The following ANO6 variants were observed in gnomAD, a reference collection of about 807,000 sequenced individuals.
ANO6 encodes the protein anoctamin 6, also known as anoctamin-6.
In ANO6, 106 loss-of-function variants were observed where a neutral mutation model predicts 117.5. That is an observed-to-expected ratio of 0.90 (90% confidence interval 0.77 to 1.06). The LOEUF is 1.06. Among genes scored for constraint, ANO6 ranks in the 50% least tolerant of loss-of-function variants. The probability of loss-of-function intolerance (pLI) is 0.00; values close to 1 mark genes in which losing one functional copy is unlikely to be tolerated. For missense variants in ANO6, 955 were observed against 1,121.1 expected (o/e 0.85, Z 2.12); for synonymous variants, 367 against 385.1 (o/e 0.95, Z 0.55).
chr12:45,250,927 G>C (rs1321199322), intron 1 of ANO6, among the ~76,000 whole-genome samples: 1 of 151,944 alleles, frequency 6.6e-6, no homozygotes, highest in African/African-American at 2.4e-5. Context: ...AACAAAATAG[G>C]CTGGGCATGA....
intron 1 of ANO6, among the ~76,000 whole-genome samples, chr12:45,226,372 A>G (rs1303897547): frequency 6.6e-6 from 1 of 152,204 alleles, no homozygotes; most frequent in Non-Finnish European, 1.5e-5. Context: ...TCATAATAGT[A>G]CATTGGAATT....
At chr12:45,275,619 T>G (rs1408133963) in intron 1 of ANO6, among the ~76,000 whole-genome samples, 2 of 152,204 alleles carry the variant, frequency 1.3e-5, no homozygotes, top group South Asian at 4.1e-4. Flanking sequence ...TTCCCATCAC[T>G]CTTCTGAAAT....
chr12:45,291,821 G>A (rs1333327502), intron 1 of ANO6, among the ~76,000 whole-genome samples: 2 of 152,060 alleles, frequency 1.3e-5, no homozygotes, highest in Non-Finnish European at 2.9e-5. Flanking sequence ...AAAATAGTAA[G>A]TGTTGGTGAG....
intron 9 of ANO6, among the ~76,000 whole-genome samples, chr12:45,369,572 G>T (rs1941770963): frequency 6.6e-6 from 1 of 151,780 alleles, no homozygotes; most frequent in African/African-American, 2.4e-5. Flanking sequence ...TTGTCAGAAT[G>T]ATTTTCAAGA....
At chr12:45,344,852 A>G (rs1253074948) in intron 3 of ANO6, among the ~76,000 whole-genome samples, 2 of 152,312 alleles carry the variant, frequency 1.3e-5, no homozygotes, top group Non-Finnish European at 1.5e-5. Context: ...ATCTGAGTCA[A>G]CTTTCAAGTT....
chr12:45,393,445 C>T (rs1380872003), intron 12 of ANO6, among the ~76,000 whole-genome samples: 1 of 152,182 alleles, frequency 6.6e-6, no homozygotes, highest in Non-Finnish European at 1.5e-5. Flanking sequence ...AGGAGACCTT[C>T]CCCAACCTAG....
At chr12:45,273,418 T>G (rs1487154613) in intron 1 of ANO6, among the ~76,000 whole-genome samples, 1 of 152,150 alleles carries the variant, frequency 6.6e-6, no homozygotes, top group Non-Finnish European at 1.5e-5. Context: ...AACTACACAT[T>G]TGATTTGGGG....
At chr12:45,387,978 C>T (rs112974938) in intron 10 of ANO6, among the ~76,000 whole-genome samples, 183 bp from the exon 11 acceptor site, 2 of 152,152 alleles carry the variant, frequency 1.3e-5, no homozygotes, top group African/African-American at 2.4e-5. Flanking sequence ...TGAGGCCTCC[C>T]CAGCCATGCA....
chr12:45,345,768 AC>A (rs1396876915), intron 3 of ANO6, among the ~76,000 whole-genome samples: 1 of 152,122 alleles, frequency 6.6e-6, no homozygotes, highest in African/African-American at 2.4e-5. Context: ...CAGATTTTGA[AC>A]CCAGGAAGTG....
intron 2 of ANO6, among the ~76,000 whole-genome samples, chr12:45,310,598 A>G (rs1939818031): frequency 6.6e-6 from 1 of 152,128 alleles, no homozygotes; most frequent in Non-Finnish European, 1.5e-5. Flanking sequence ...TGTTAGTGAA[A>G]GTGAACTTTA....
chr12:45,296,399 C>T (rs1438898221), intron 1 of ANO6, among the ~76,000 whole-genome samples: 2 of 152,184 alleles, frequency 1.3e-5, no homozygotes, highest in Admixed American at 6.5e-5. Context: ...CATCATCTAG[C>T]TCAATCCCTG....
At chr12:45,309,140 T>A (rs1939769816) in intron 2 of ANO6, among the ~76,000 whole-genome samples, 1 of 152,064 alleles carries the variant, frequency 6.6e-6, no homozygotes, top group South Asian at 2.1e-4. Context: ...GACTATGGCA[T>A]TAGTGCATGA....
At chr12:45,318,939 T>C (rs1940152312) in intron 2 of ANO6, among the ~76,000 whole-genome samples, 1 of 152,196 alleles carries the variant, frequency 6.6e-6, no homozygotes, top group African/African-American at 2.4e-5. Context: ...TGTATAAGAA[T>C]GCTTGTGATT....
At chr12:45,248,419 A>G (rs945388869) in intron 1 of ANO6, among the ~76,000 whole-genome samples, 7 of 151,404 alleles carry the variant, frequency 4.6e-5, no homozygotes, top group Admixed American at 4.6e-4. Context: ...ATATTTTATA[A>G]AAAGTAGACT....
chr12:45,406,306 A>G (rs1942933592), intron 15 of ANO6, among the ~76,000 whole-genome samples: 1 of 152,238 alleles, frequency 6.6e-6, no homozygotes. Flanking sequence ...GAGCAAGCTC[A>G]GAGCCCTTTG....
At chr12:45,414,443 G>T (rs1297120383) in intron 16 of ANO6, among the ~76,000 whole-genome samples, 3 of 151,848 alleles carry the variant, frequency 2.0e-5, no homozygotes, top group African/African-American at 7.3e-5. Flanking sequence ...AGAAGTGATG[G>T]CCCCATACCA....
chr12:45,216,577 C>T (rs1565625415), intron 1 of ANO6, among the ~76,000 whole-genome samples, 186 bp downstream of exon 1: 3 of 152,154 alleles, frequency 2.0e-5, no homozygotes, highest in African/African-American at 4.8e-5. Context: ...GCGGCCCCTG[C>T]GGGGCTGAGG....
downstream of ANO6, among the ~76,000 whole-genome samples, chr12:45,434,902 A>G (rs1204082429): frequency 2.6e-5 from 4 of 152,316 alleles, no homozygotes; most frequent in East Asian, 7.7e-4. Context: ...TTCATTAATA[A>G]TGAGGCAGGT....
chr12:45,322,867 C>A (rs183800346), intron 2 of ANO6, among the ~76,000 whole-genome samples: 3 of 152,294 alleles, frequency 2.0e-5, no homozygotes, highest in Admixed American at 1.3e-4. Context: ...TATGGTCCCA[C>A]ATATGACTTT....
Sources: allele counts gnomAD v4.1 joint callset (sites outside exome capture counted in the v4.1 genomes callset), GRCh38; gene constraint gnomAD v4.1.1; transcripts MANE v1.5; gene names NCBI Gene and HGNC (gene_info 2026-07-23, HGNC 2026-07-21).